HSF5: variants seen among roughly 807,000 people sequenced by gnomAD.
HSF5 encodes the protein heat shock transcription factor 5.
A neutral mutation model predicts 50.8 loss-of-function variants in HSF5; 5 were observed. The observed-to-expected ratio is 0.10, with a 90% CI of 0.05 to 0.21. The LOEUF (loss-of-function observed/expected upper bound fraction) is 0.21, where lower values mean the gene tolerates loss of function less well. Ranked by LOEUF, HSF5 falls within the 10% of genes least tolerant of loss-of-function variation. The pLI is 1.00. For synonymous variants in HSF5, 307 were observed against 307.4 expected (o/e 1.00, Z 0.02); for missense variants, 564 against 762.6 (o/e 0.74, Z 3.07).
chr17:58,460,177 A>G lies in HSF5; in HGVS notation c.1543-1232T>C, dbSNP rs1974771232. 1.3e-5 allele frequency among the ~76,000 whole-genome samples: 2 copies of G among 151,644 alleles called. 1 individual carries two copies. Among genetic ancestry groups the G allele is most frequent in the South Asian group, 4.2e-4 (2 of 4,786 alleles). On this transcript the variant is annotated intron_variant, in intron 4 of 5. Transcript: ENST00000323777. ...GGACACAGGTGTATGCCACCACACC[A>G]AGCTAATTTTTAAAATGTTTTTGTA...
At position 58,476,344 on chromosome 17, in the gene HSF5, T is replaced by A; in HGVS notation, c.925+3549A>T. The A allele has an allele frequency of 6.3e-6, 7 of 1,106,956 alleles. No individual in the cohort carries two copies. The South Asian group carries it at 8.6e-5, about 14-fold the overall frequency. The allele number at this position is 1,106,956 out of a possible 1,614,324, so 68.6% of individuals were successfully genotyped here. On this transcript the variant is annotated intron_variant, in intron 2 of 5. Transcript: ENST00000323777. Reference sequence around the variant, plus strand: ...ATCTTTGATGACCTCTCCTAACTCATCAGTACCTGCATCAGAATGGTCAGT... The same window carrying A: ...ATCTTTGATGACCTCTCCTAACTCAACAGTACCTGCATCAGAATGGTCAGT...
chr17:58,461,737 T>C lies in HSF5; in HGVS notation c.1542+1045A>G, dbSNP rs569898525. Among the ~76,000 whole-genome samples, 95 of 152,034 alleles carry C rather than the reference T, an allele frequency of 6.2e-4. 4 individuals are homozygous for C. In the South Asian group the frequency reaches 0.019, roughly 31 times the overall value. On this transcript the variant is annotated intron_variant, in intron 4 of 5. Coordinates refer to ENST00000323777, the MANE Select transcript of HSF5 (RefSeq NM_001080439.3). The stretch of plus-strand genomic sequence containing the variant: ...AAATACAAAAATTAGCTGGACATGG[T>C]GGCTCGCCTGTAATCCCAGTTACTT...
Position 58,466,956 on chromosome 17 carries a change from T to C in HSF5, c.949A>G (p.Thr317Ala). 1 of 1,610,860 alleles carries C rather than the reference T, an allele frequency of 6.2e-7. No homozygotes were observed. Among genetic ancestry groups the C allele is most frequent in the Non-Finnish European group, 8.5e-7 (1 of 1,177,168 alleles). The part of the protein sequence containing the change: ...PTAVLQCCSP[T>A]HMDALSSCVT... ...CAACTACTTAGAGCATCCATGTGGG[T>C]AGGAGAACAGCACTGTAGCACAGCT... The change falls in exon 3 of 6, where the codon ACC becomes GCC. Residue 317 changes from threonine (T) to alanine (A), a missense_variant. Around this residue, in one of 5 missense-constraint regions of HSF5, gnomAD observed 441 missense variants for 533.6 expected, o/e 0.83. Transcript: ENST00000323777.
chr17:58,465,752 A>G (rs1458393874), intron 3 of HSF5, among the ~76,000 whole-genome samples: 1 of 152,176 alleles, frequency 6.6e-6, no homozygotes, highest in Non-Finnish European at 1.5e-5. Context: ...CACAATTCCA[A>G]TCTTTGGCAG....
chr17:58,455,505 C>T (rs1430358877), intron 5 of HSF5, among the ~76,000 whole-genome samples: 1 of 151,918 alleles, frequency 6.6e-6, no homozygotes, highest in East Asian at 1.9e-4. Flanking sequence ...AAATCTTCTG[C>T]ATAGCAAAAG....
chr17:58,458,784 T>C lies in HSF5; in HGVS notation c.1704A>G (p.Gln568=), dbSNP rs1302450452. 1 of 1,612,236 alleles carries C rather than the reference T, an allele frequency of 6.2e-7. No homozygotes were observed. Among genetic ancestry groups the C allele is most frequent in the African/African-American group, 1.3e-5 (1 of 74,962 alleles). Residue 568 remains glutamine, a synonymous_variant, in exon 5 of 6, where the codon CAA becomes CAG. Transcript: ENST00000323777. ...AATCCTTACCAGGGGACTTTCCTTG[T>C]TGTGAGTTGCTTCTGTGCTCTCTGT... The part of the protein sequence containing the change: ...ARYREHRSNS[Q]QGKSPDLHLL...
chr17:58,425,637 T>G (rs1974287922), intron 5 of HSF5, among the ~76,000 whole-genome samples: 1 of 150,782 alleles, frequency 6.6e-6, no homozygotes, highest in Non-Finnish European at 1.5e-5. Flanking sequence ...TTATGCACAT[T>G]TTACCATAAA....
chr17:58,435,504 G>A (rs915605553), intron 5 of HSF5, among the ~76,000 whole-genome samples: 1 of 152,186 alleles, frequency 6.6e-6, no homozygotes, highest in South Asian at 2.1e-4. Context: ...TCGAGATCAC[G>A]CCACTGCACT....
chr17:58,466,357 T>C (rs1974866336), intron 3 of HSF5, among the ~76,000 whole-genome samples: 1 of 152,216 alleles, frequency 6.6e-6, no homozygotes, highest in African/African-American at 2.4e-5. Context: ...TTTGGTGACT[T>C]ACACACTTGT....
intron 5 of HSF5, among the ~76,000 whole-genome samples, chr17:58,431,847 TTAAC>T (rs1438140876): frequency 6.6e-6 from 1 of 152,130 alleles, no homozygotes; most frequent in Non-Finnish European, 1.5e-5. Flanking sequence ...CTCTTAGTGG[TTAAC>T]TAAAAGACTG....
At position 58,422,010 on chromosome 17, in the gene HSF5, G is replaced by T. The variant is rs758665949; in HGVS notation, c.*350C>A. ...GTGCTGACTACAGTTTGAGTGGCAA[G>T]ACAACAAATCAGCACACACACAGAT... On this transcript the variant is annotated 3_prime_UTR_variant, in exon 6 of 6. Transcript: ENST00000323777. The T allele has an allele frequency of 1.7e-5, 3 of 179,358 alleles. No homozygotes were observed. Among genetic ancestry groups the T allele is most frequent in the Non-Finnish European group, 3.5e-5 (3 of 84,588 alleles). The allele number at this position is 179,358 out of a possible 1,614,324, so 11.1% of individuals were successfully genotyped here. A position where few individuals can be genotyped will look rare whatever the true frequency, so the allele number is the denominator to read the frequency against.
intron 5 of HSF5, among the ~76,000 whole-genome samples, chr17:58,430,711 T>C (rs1471497769): frequency 2.6e-5 from 4 of 152,154 alleles, no homozygotes; most frequent in Non-Finnish European, 5.9e-5. Context: ...TGAGCTACAC[T>C]GCCAGGGTCT....
chr17:58,455,216 C>T (rs1415746811), intron 5 of HSF5, among the ~76,000 whole-genome samples: 1 of 152,102 alleles, frequency 6.6e-6, no homozygotes, highest in Non-Finnish European at 1.5e-5. Context: ...GCCAAGTACA[C>T]ACATTGGAGA....
chr17:58,483,287 A>G (rs1452771351), intron 1 of HSF5, among the ~76,000 whole-genome samples: 1 of 152,240 alleles, frequency 6.6e-6, no homozygotes, highest in African/African-American at 2.4e-5. Context: ...GTGATGGCCA[A>G]TTAACTATTT....
At chr17:58,472,337 A>G (rs1275400779) in intron 2 of HSF5, among the ~76,000 whole-genome samples, 1 of 151,996 alleles carries the variant, frequency 6.6e-6, no homozygotes, top group Non-Finnish European at 1.5e-5. Flanking sequence ...TTAGCTGGGC[A>G]TGGTGGTGTG....
intron 2 of HSF5, chr17:58,476,630 A>C (rs1316086344): frequency 6.5e-7 from 1 of 1,549,626 alleles, no homozygotes; most frequent in Non-Finnish European, 8.9e-7. Flanking sequence ...ACTCTGGTCA[A>C]ATAATGCAGT....
At chr17:58,476,961 T>G (rs995253904) in intron 2 of HSF5, 5 of 651,144 alleles carry the variant, frequency 7.7e-6, no homozygotes, top group Non-Finnish European at 1.3e-5. Context: ...GTGGCACGGT[T>G]GGGAGACGGG....
Position 58,476,956 on chromosome 17 carries a change from AC to A in HSF5, c.925+2936del. 7.5e-6 allele frequency: 5 copies of A among 667,600 alleles called. No homozygotes were observed. In the South Asian group the frequency reaches 8.9e-5, roughly 12 times the overall value. 41.4% of individuals were successfully genotyped at this position (667,600 alleles called of 1,614,324 possible). ...TTTTGGCAGCGGACGCCCATGTGGC[AC>A]GGTTGGGAGACGGGGGCGGGGGAAG... On this transcript the variant is annotated intron_variant, in intron 2 of 5. Coordinates refer to ENST00000323777, the MANE Select transcript of HSF5 (RefSeq NM_001080439.3).
At chr17:58,458,498 A>G (rs1315836340) in intron 5 of HSF5, among the ~76,000 whole-genome samples, 1 of 152,204 alleles carries the variant, frequency 6.6e-6, no homozygotes, top group Non-Finnish European at 1.5e-5. Flanking sequence ...TCCAAGTTAA[A>G]TAATCTAAAT....
Sources: allele counts gnomAD v4.1 joint callset (sites outside exome capture counted in the v4.1 genomes callset), GRCh38; gene constraint gnomAD v4.1.1; regional missense constraint gnomAD v4.1.1; transcripts MANE v1.5; gene names NCBI Gene and HGNC (gene_info 2026-07-23, HGNC 2026-07-21).